The following RAD51B variants were observed in gnomAD, a reference collection of about 807,000 sequenced individuals.
RAD51B encodes the protein DNA repair protein RAD51 homolog 2.
RAD51B carries 38 observed loss-of-function variants against 42.2 expected under a neutral mutation model. The ratio of observed to expected loss-of-function variants is 0.90; its 90% CI spans 0.70 to 1.18. The LOEUF is 1.18. Ranked by LOEUF, RAD51B falls within the 50% of genes most tolerant of loss-of-function variation. RAD51B has a pLI of 0.00. For missense variants in RAD51B, 373 were observed against 400.7 expected (o/e 0.93, Z 0.59); for synonymous variants, 154 against 145.2 (o/e 1.06, Z -0.43).
intron 11 of RAD51B, among the ~76,000 whole-genome samples, chr14:68,668,536 C>T (rs1323722691): frequency 6.6e-6 from 1 of 152,248 alleles, no homozygotes; most frequent in Non-Finnish European, 1.5e-5. Context: ...CACAGCAGCC[C>T]TCCAGCTCTG....
In RAD51B at chr14:67,913,902, A is replaced by G. The variant is rs1234181138; in HGVS notation, c.756+26698A>G. 3.3e-5 allele frequency among the ~76,000 whole-genome samples: 5 copies of G among 151,868 alleles called. No individual in the cohort carries two copies. The East Asian group carries it at 9.6e-4, about 29-fold the overall frequency. ...TCTTTCTATTTTTTTGCACCCATAA[A>G]CCATCCCCACTTCTCTGCCCCACTC... On this transcript the variant is annotated intron_variant, in intron 7 of 10. Coordinates refer to ENST00000471583, the MANE Select transcript of RAD51B (RefSeq NM_133510.4).
intron 8 of RAD51B, among the ~76,000 whole-genome samples, chr14:68,386,200 G>A (rs2083590521): frequency 6.6e-6 from 1 of 152,150 alleles, no homozygotes; most frequent in Non-Finnish European, 1.5e-5. Flanking sequence ...CAGAACCCAG[G>A]AGTCCAGCTT....
intron 7 of RAD51B, among the ~76,000 whole-genome samples, chr14:68,143,507 C>T (rs1198444086): frequency 6.6e-6 from 1 of 152,210 alleles, no homozygotes; most frequent in Non-Finnish European, 1.5e-5. Flanking sequence ...CATTTCCTGG[C>T]CCGGCTGCCA....
intron 7 of RAD51B, among the ~76,000 whole-genome samples, chr14:68,084,015 G>A (rs577566360): frequency 6.6e-6 from 1 of 152,300 alleles, no homozygotes; most frequent in African/African-American, 2.4e-5. Context: ...GACATTGAGT[G>A]TGTACGTGTG....
chr14:67,953,951 A>G lies in RAD51B; in HGVS notation c.756+66747A>G, dbSNP rs553016623. Among the ~76,000 whole-genome samples the G allele has an allele frequency of 2.7e-3, 404 of 152,308 alleles. 1 individual carries two copies. The highest frequency in any genetic ancestry group is 4.5e-3 in the Non-Finnish European group (308 of 68,026). On this transcript the variant is annotated intron_variant, in intron 7 of 10. Coordinates refer to ENST00000471583, the MANE Select transcript of RAD51B (RefSeq NM_133510.4). ...AAAAGAAATGTGTGCTTTGAGAAATACACACATTTTTGAGTTTGAATAGAA... is the reference window on the plus strand; with the variant it reads ...AAAAGAAATGTGTGCTTTGAGAAATGCACACATTTTTGAGTTTGAATAGAA...
At chr14:68,106,238 A>G (rs1049114120) in intron 7 of RAD51B, among the ~76,000 whole-genome samples, 1 of 151,840 alleles carries the variant, frequency 6.6e-6, no homozygotes, top group Non-Finnish European at 1.5e-5. Flanking sequence ...AGCTTGACAT[A>G]TTTGTGGGGT....
At chr14:67,925,216 G>A (rs1021674638) in intron 7 of RAD51B, among the ~76,000 whole-genome samples, 5 of 152,194 alleles carry the variant, frequency 3.3e-5, no homozygotes, top group African/African-American at 1.2e-4. Context: ...TCATGGGCTG[G>A]CATTGAGTGT....
At chr14:68,317,292 T>C (rs1015849963) in intron 8 of RAD51B, among the ~76,000 whole-genome samples, 1 of 92,674 alleles carries the variant, frequency 1.1e-5, no homozygotes, top group African/African-American at 5.3e-5. Flanking sequence ...AAAGGGCTTA[T>C]AGTTCACTTT....
At chr14:68,213,891 G>A (rs1438617907) in intron 7 of RAD51B, among the ~76,000 whole-genome samples, 6 of 152,178 alleles carry the variant, frequency 3.9e-5, no homozygotes, top group African/African-American at 1.4e-4. Flanking sequence ...TACATGATGA[G>A]AAAGAGTAGA....
At chr14:67,931,201 G>A (rs879485462) in intron 7 of RAD51B, among the ~76,000 whole-genome samples, 8 of 152,122 alleles carry the variant, frequency 5.3e-5, no homozygotes, top group Non-Finnish European at 8.8e-5. Flanking sequence ...GATTACAGGC[G>A]TGAGCCACCG....
rs1287612008 is a variant in RAD51B at position 68,627,428 on chromosome 14, T to C, written c.1037-23353T>C. On this transcript the variant is annotated intron_variant, in intron 10 of 11. Transcript: ENST00000488612. Reference sequence around the variant, plus strand: ...AGCAGGGTGGGCTACTGCAGACTCCTAGCATACAAGTCACGAGACCTCCTT... The same window carrying C: ...AGCAGGGTGGGCTACTGCAGACTCCCAGCATACAAGTCACGAGACCTCCTT... 2.0e-5 allele frequency: 3 copies of C among 152,262 alleles called. 1 individual carries two copies. The highest frequency in any genetic ancestry group is 7.2e-5 in the African/African-American group (3 of 41,450). The allele number at this position is 152,262 out of a possible 1,614,324, so 9.4% of individuals were successfully genotyped here.
chr14:68,679,875 G>A (rs1244015145), intron 11 of RAD51B, among the ~76,000 whole-genome samples: 2 of 152,206 alleles, frequency 1.3e-5, no homozygotes, highest in Admixed American at 6.5e-5. Context: ...TAGTCCATAT[G>A]CACTTCTTTC....
At chr14:68,680,561 T>G (rs773569083) in intron 11 of RAD51B, among the ~76,000 whole-genome samples, 10 of 152,192 alleles carry the variant, frequency 6.6e-5, no homozygotes, top group Non-Finnish European at 1.2e-4. Context: ...CACAAGCCAA[T>G]GCAAGCTTCA....
exon 11 of RAD51B, chr14:68,611,350 T>A (rs900529081): frequency 7.6e-5 from 50 of 660,142 alleles, no homozygotes; most frequent in Non-Finnish European, 1.1e-5. Context: ...TCCTTGTCCC[T>A]TTCAGCAAAG....
downstream of RAD51B, among the ~76,000 whole-genome samples, chr14:68,482,459 G>T (rs556810392): frequency 6.6e-6 from 1 of 152,294 alleles, no homozygotes; most frequent in African/African-American, 2.4e-5. Context: ...ATTGCCAAAT[G>T]AGAATTCTGG....
At chr14:68,377,795 T>C (rs2083401159) in intron 8 of RAD51B, among the ~76,000 whole-genome samples, 1 of 152,238 alleles carries the variant, frequency 6.6e-6, no homozygotes, top group South Asian at 2.1e-4. Flanking sequence ...AGTCACTGTC[T>C]TCACAGGCCC....
At chr14:68,238,949 G>C (rs1332390365) in intron 7 of RAD51B, among the ~76,000 whole-genome samples, 1 of 152,188 alleles carries the variant, frequency 6.6e-6, no homozygotes, top group Non-Finnish European at 1.5e-5. Context: ...GTGATGTTCT[G>C]TAGCATTCTG....
intron 7 of RAD51B, among the ~76,000 whole-genome samples, chr14:68,231,917 A>G (rs1211129575): frequency 2.0e-5 from 3 of 152,350 alleles, no homozygotes; most frequent in Admixed American, 6.5e-5. Context: ...GGAATGTAAT[A>G]TAAATGCAGT....
intron 7 of RAD51B, among the ~76,000 whole-genome samples, chr14:68,143,506 G>C (rs1323679604): frequency 6.6e-6 from 1 of 152,222 alleles, no homozygotes; most frequent in Admixed American, 6.5e-5. Context: ...TCATTTCCTG[G>C]CCCGGCTGCC....
Sources: gnomAD v4.1 joint callset for allele counts (sites outside exome capture counted in the v4.1 genomes callset) on GRCh38, gnomAD v4.1.1 for gene constraint, MANE v1.5 for transcripts, NCBI Gene and HGNC (gene_info 2026-07-23, HGNC 2026-07-21) for gene names.